The following SPIRE1 variants were observed in gnomAD, a reference collection of about 807,000 sequenced individuals.
The protein encoded by SPIRE1 is spire type actin nucleation factor 1, also known as protein spire homolog 1.
SPIRE1 carries 40 observed loss-of-function variants against 94.1 expected under a neutral mutation model. The observed-to-expected ratio is 0.43, with a 90% CI of 0.33 to 0.55. The LOEUF (loss-of-function observed/expected upper bound fraction) is 0.55, where lower values mean the gene tolerates loss of function less well. Among genes scored for constraint, SPIRE1 ranks in the 20% least tolerant of loss-of-function variants. SPIRE1 has a pLI of 0.06. For missense variants in SPIRE1, 838 were observed against 975.2 expected (o/e 0.86, Z 1.87); for synonymous variants, 376 against 371.7 (o/e 1.01, Z -0.13).
At chr18:12,549,442 T>G (rs868179303) in intron 2 of SPIRE1, among the ~76,000 whole-genome samples, 157 of 72,876 alleles carry the variant, frequency 2.2e-3, no homozygotes, top group South Asian at 0.013. Flanking sequence ...TATTGTTGTT[T>G]TTTTTTTTTT....
chr18:12,553,023 C>T (rs1317605887), intron 2 of SPIRE1, among the ~76,000 whole-genome samples: 10 of 152,146 alleles, frequency 6.6e-5, no homozygotes, highest in Admixed American at 2.0e-4. Flanking sequence ...TGGCAGGATT[C>T]ATCACCTGCT....
intron 6 of SPIRE1, among the ~76,000 whole-genome samples, chr18:12,503,914 G>C (rs1339304118): frequency 6.8e-6 from 1 of 147,038 alleles, no homozygotes; most frequent in African/African-American, 2.6e-5. Flanking sequence ...TGAAGCAATG[G>C]ACAAAACTAT....
At position 12,554,925 on chromosome 18, in the gene SPIRE1, G is replaced by C. The variant is rs886384700; in HGVS notation, c.373-8021C>G. Among the ~76,000 whole-genome samples, 6 of 152,202 alleles carry C rather than the reference G, an allele frequency of 3.9e-5. 1 individual carries two copies. In the South Asian group the frequency reaches 1.2e-3, roughly 32 times the overall value. ...TCCTTTCTCAGGAAACCACCCATCA[G>C]GCCTCCCAGAGTATGAAGGAGCTGA... On this transcript the variant is annotated intron_variant, in intron 2 of 16. Transcript: ENST00000409402.
Position 12,608,677 on chromosome 18 carries a change from C to T in SPIRE1, c.372+26385G>A, listed in dbSNP as rs1022087346. On this transcript the variant is annotated intron_variant, in intron 2 of 16. Coordinates refer to ENST00000409402, the MANE Select transcript of SPIRE1 (RefSeq NM_001128626.2). ...TTGCATATGAAAATACAGGTATTAT[C>T]CTCTGGTAACTGAGTTCCTTTGTAA... 3.9e-5 allele frequency among the ~76,000 whole-genome samples: 6 copies of T among 152,160 alleles called. No homozygotes were observed. The East Asian group carries it at 1.2e-3, about 29-fold the overall frequency.
chr18:12,639,711 G>A (rs758748477), intron 1 of SPIRE1, among the ~76,000 whole-genome samples: 1 of 151,406 alleles, frequency 6.6e-6, no homozygotes, highest in Non-Finnish European at 1.5e-5. Context: ...CAGCCTGGGC[G>A]CAAGAATGAG....
rs941328668 is a variant in SPIRE1 at position 12,496,636 on chromosome 18, G to A, written c.973-534C>T. ...TGTAATCCCAGCACTTCGGGAGGCCGAGACGGGCTGATCACAAGGTCAGGA... is the reference window on the plus strand; with the variant it reads ...TGTAATCCCAGCACTTCGGGAGGCCAAGACGGGCTGATCACAAGGTCAGGA... On this transcript the variant is annotated intron_variant, in intron 6 of 16. Transcript: ENST00000409402. Among the ~76,000 whole-genome samples, 10 of 152,324 alleles carry A rather than the reference G, an allele frequency of 6.6e-5. No individual in the cohort carries two copies. In the South Asian group the frequency reaches 8.3e-4, roughly 13 times the overall value.
intron 10 of SPIRE1, among the ~76,000 whole-genome samples, chr18:12,478,255 G>A (rs191655544): frequency 1.3e-5 from 2 of 151,992 alleles, no homozygotes; most frequent in African/African-American, 2.4e-5. Context: ...GTGCATGCAC[G>A]CAGGTGTGTG....
intron 1 of SPIRE1, among the ~76,000 whole-genome samples, chr18:12,650,955 C>T (rs1293856467): frequency 1.3e-5 from 2 of 150,786 alleles, no homozygotes; most frequent in African/African-American, 4.9e-5. Flanking sequence ...AACATCTAAA[C>T]TTACTGTTAA....
intron 1 of SPIRE1, among the ~76,000 whole-genome samples, chr18:12,643,503 C>A (rs1191902428): frequency 4.6e-5 from 7 of 152,180 alleles, no homozygotes; most frequent in Admixed American, 4.6e-4. Flanking sequence ...CCCTCTGTGG[C>A]ATCTGAGTAT....
intron 2 of SPIRE1, among the ~76,000 whole-genome samples, chr18:12,593,413 ACTTTACAAATAAAAGTTGCTGT>A (rs1221861241): frequency 6.6e-6 from 1 of 152,248 alleles, no homozygotes; most frequent in African/African-American, 2.4e-5. Flanking sequence ...TCTATAAAGC[ACTTTACAAATAAAAGTTGCTGT>A]TATTATGCTT....
At chr18:12,555,750 G>C (rs1372484881) in intron 2 of SPIRE1, among the ~76,000 whole-genome samples, 1 of 152,146 alleles carries the variant, frequency 6.6e-6, no homozygotes, top group Non-Finnish European at 1.5e-5. Flanking sequence ...TTTCTTCTAA[G>C]ATCAGGAACA....
chr18:12,555,830 CAACAGAAAGA>C (rs774909389), intron 2 of SPIRE1, among the ~76,000 whole-genome samples: 35 of 152,154 alleles, frequency 2.3e-4, no homozygotes, highest in Non-Finnish European at 4.0e-4. Flanking sequence ...AGCAATCAGA[CAACAGAAAGA>C]AATAAAGGCC....
intron 9 of SPIRE1, among the ~76,000 whole-genome samples, chr18:12,482,729 T>G (rs956639476): frequency 1.3e-5 from 2 of 152,164 alleles, no homozygotes; most frequent in African/African-American, 4.8e-5. Context: ...AATAGCTCTG[T>G]AATTGCCTGA....
chr18:12,476,541 CAAAAA>C (rs558968043), intron 10 of SPIRE1, among the ~76,000 whole-genome samples: 37 of 46,832 alleles, frequency 7.9e-4, no homozygotes, highest in Admixed American at 1.8e-3. Context: ...ACTCTGTCTC[CAAAAA>C]AAAAAAAAAA....
intron 6 of SPIRE1, among the ~76,000 whole-genome samples, chr18:12,505,811 T>C (rs1158849036): frequency 6.6e-6 from 1 of 152,196 alleles, no homozygotes; most frequent in African/African-American, 2.4e-5. Flanking sequence ...TATAGCCATT[T>C]AGAAATGATA....
intron 8 of SPIRE1, among the ~76,000 whole-genome samples, chr18:12,488,990 CCT>C (rs1238345789): frequency 6.6e-6 from 1 of 152,002 alleles, no homozygotes; most frequent in African/African-American, 2.4e-5. Flanking sequence ...TTGAGACCAT[CCT>C]GGCTAACATG....
At chr18:12,595,063 A>C (rs926827142) in intron 2 of SPIRE1, among the ~76,000 whole-genome samples, 5 of 152,186 alleles carry the variant, frequency 3.3e-5, no homozygotes, top group Non-Finnish European at 5.9e-5. Context: ...TAACTGCTTG[A>C]ACCCAGGAGT....
intron 3 of SPIRE1, among the ~76,000 whole-genome samples, chr18:12,544,181 A>T (rs564773388): frequency 0.015 from 2,251 of 151,376 alleles, 23 homozygotes; most frequent in Admixed American, 0.024. Flanking sequence ...CCTTAAAAAA[A>T]TTTTTTTTCT....
At chr18:12,578,077 A>C (rs2036158988) in intron 2 of SPIRE1, among the ~76,000 whole-genome samples, 1 of 152,230 alleles carries the variant, frequency 6.6e-6, no homozygotes, top group African/African-American at 2.4e-5. Context: ...GATGTGGAAA[A>C]CTAGAACATG....
Sources: gnomAD v4.1 joint callset for allele counts (sites outside exome capture counted in the v4.1 genomes callset) on GRCh38, gnomAD v4.1.1 for gene constraint, MANE v1.5 for transcripts, NCBI Gene and HGNC (gene_info 2026-07-23, HGNC 2026-07-21) for gene names.